The following CCDC102B variants were observed in gnomAD, a reference collection of about 807,000 sequenced individuals.
CCDC102B encodes the protein coiled-coil domain containing 102B, also known as coiled-coil domain-containing protein 102B.
A neutral mutation model predicts 57.4 loss-of-function variants in CCDC102B; 75 were observed. The ratio of observed to expected loss-of-function variants is 1.31; its 90% CI spans 1.08 to 1.58. CCDC102B has a LOEUF of 1.58. CCDC102B is among the 40% of genes most tolerant of loss of function. The pLI is 0.00. For missense variants in CCDC102B, 636 were observed against 582.6 expected (o/e 1.09, Z -0.94); for synonymous variants, 206 against 201.9 (o/e 1.02, Z -0.17).
chr18:68,866,785 C>G (rs2039004608), intron 4 of CCDC102B: 1 of 683,244 alleles, frequency 1.5e-6, no homozygotes, highest in African/African-American at 1.8e-5. Flanking sequence ...TATGTCGGTG[C>G]TTTTGCTCCC....
chr18:69,026,877 A>G (rs75022982), intron 7 of CCDC102B, among the ~76,000 whole-genome samples: 1,566 of 152,336 alleles, frequency 0.01, 23 homozygotes, highest in East Asian at 0.064. Flanking sequence ...CGTTTATAAA[A>G]ATAATTAACA....
chr18:68,720,809 C>A lies in CCDC102B; in HGVS notation c.-67+4215C>A, dbSNP rs148059399. On this transcript the variant is annotated intron_variant, in intron 2 of 3. Transcript: ENST00000578970. ...CCTGACTCATATGGGCATAGTGGCT[C>A]ACACCTTAGTCTCAGCACATTGGAA... Among the ~76,000 whole-genome samples, 448 of 152,264 alleles carry A rather than the reference C, an allele frequency of 2.9e-3. 2 individuals are homozygous for A. Among genetic ancestry groups the A allele is most frequent in the African/African-American group, 0.01 (435 of 41,540 alleles).
chr18:69,042,335 G>A (rs4021701), intron 7 of CCDC102B, among the ~76,000 whole-genome samples: 125,029 of 152,012 alleles, frequency 0.82, 53,670 homozygotes, highest in Non-Finnish European at 0.95. Context: ...ATTTCTAATC[G>A]CTAAATCAGC....
At chr18:68,882,567 A>G (rs1384389505) in intron 5 of CCDC102B, among the ~76,000 whole-genome samples, 3 of 152,258 alleles carry the variant, frequency 2.0e-5, no homozygotes, top group Admixed American at 2.0e-4. Context: ...TAACCAATTT[A>G]TTCATTTTAG....
chr18:68,792,735 C>A (rs1232346469), intron 2 of CCDC102B, among the ~76,000 whole-genome samples: 1 of 152,138 alleles, frequency 6.6e-6, no homozygotes, highest in Non-Finnish European at 1.5e-5. Context: ...TCAGGCCTGT[C>A]TGACATCAAG....
intron 2 of CCDC102B, among the ~76,000 whole-genome samples, chr18:68,745,634 A>AT (rs1364860321): frequency 6.6e-6 from 1 of 152,082 alleles, no homozygotes; most frequent in Admixed American, 6.6e-5. Context: ...TATACTAGAA[A>AT]TTCTCATTAA....
At chr18:68,783,056 C>T (rs1006676759) in intron 2 of CCDC102B, among the ~76,000 whole-genome samples, 2 of 152,170 alleles carry the variant, frequency 1.3e-5, no homozygotes, top group Non-Finnish European at 2.9e-5. Flanking sequence ...TTTTCAACAA[C>T]TTACTGGCCT....
At chr18:68,952,287 A>T (rs1338217814) in intron 6 of CCDC102B, among the ~76,000 whole-genome samples, 1 of 152,044 alleles carries the variant, frequency 6.6e-6, no homozygotes, top group Non-Finnish European at 1.5e-5. Flanking sequence ...GGGGTTATTC[A>T]CAACTACCTT....
intron 6 of CCDC102B, among the ~76,000 whole-genome samples, chr18:68,988,316 T>C (rs1239833520): frequency 1.3e-5 from 2 of 152,072 alleles, no homozygotes; most frequent in African/African-American, 4.8e-5. Flanking sequence ...TATTGGATGA[T>C]CTCACTTATA....
intron 2 of CCDC102B, among the ~76,000 whole-genome samples, chr18:68,772,261 G>T (rs906630584): frequency 6.6e-6 from 1 of 151,876 alleles, no homozygotes; most frequent in African/African-American, 2.4e-5. Flanking sequence ...GTGAATTTTT[G>T]TACTGAAATC....
intron 6 of CCDC102B, among the ~76,000 whole-genome samples, chr18:68,921,265 A>T (rs1355867888): frequency 1.3e-5 from 2 of 152,108 alleles, no homozygotes; most frequent in East Asian, 3.9e-4. Context: ...TCACGGAGGC[A>T]AGTCTTTCCT....
At chr18:68,923,713 C>T (rs1368403116) in intron 6 of CCDC102B, among the ~76,000 whole-genome samples, 1 of 152,036 alleles carries the variant, frequency 6.6e-6, no homozygotes, top group African/African-American at 2.4e-5. Flanking sequence ...GAGTTAGTGG[C>T]GACCTTGGTA....
At chr18:69,050,161 G>C (rs764635906) in intron 7 of CCDC102B, among the ~76,000 whole-genome samples, 1 of 150,442 alleles carries the variant, frequency 6.6e-6, no homozygotes, top group Admixed American at 6.6e-5. Context: ...AGTGTTGAAG[G>C]AGCAAATTAC....
intron 6 of CCDC102B, among the ~76,000 whole-genome samples, chr18:68,938,588 G>C: frequency 6.6e-6 from 1 of 151,470 alleles, no homozygotes; most frequent in Non-Finnish European, 1.5e-5. Flanking sequence ...AAGAATTTTA[G>C]TATTCATCAA....
chr18:68,866,714 C>T (rs918210281), intron 4 of CCDC102B: 14 of 533,432 alleles, frequency 2.6e-5, no homozygotes, highest in African/African-American at 1.3e-4. Context: ...CTTCTCATGA[C>T]GATGTCCATT....
chr18:68,964,173 G>T (rs1288116755), intron 6 of CCDC102B, among the ~76,000 whole-genome samples: 1 of 151,780 alleles, frequency 6.6e-6, no homozygotes, highest in Non-Finnish European at 1.5e-5. Flanking sequence ...TTTATTTTGT[G>T]CTTTCTATTA....
chr18:68,788,249 G>C (rs1301361196), intron 2 of CCDC102B, among the ~76,000 whole-genome samples: 8 of 151,996 alleles, frequency 5.3e-5, no homozygotes, highest in Admixed American at 1.3e-4. Flanking sequence ...TTACTTCCAA[G>C]TATGTGGTCA....
intron 4 of CCDC102B, among the ~76,000 whole-genome samples, chr18:68,861,641 A>G (rs990724928): frequency 3.3e-5 from 5 of 152,136 alleles, no homozygotes; most frequent in African/African-American, 9.7e-5. Context: ...AACAGGGGTG[A>G]TTATTACTGG....
At chr18:68,800,846 G>A (rs2035822640) in intron 1 of CCDC102B, among the ~76,000 whole-genome samples, 1 of 152,068 alleles carries the variant, frequency 6.6e-6, no homozygotes, top group South Asian at 2.1e-4. Context: ...TACATTCACA[G>A]TAAAAAAGAA....
Sources: allele counts gnomAD v4.1 joint callset (sites outside exome capture counted in the v4.1 genomes callset), GRCh38; gene constraint gnomAD v4.1.1; transcripts MANE v1.5; gene names NCBI Gene and HGNC (gene_info 2026-07-23, HGNC 2026-07-21).